Variants in PPRC1 observed in about 807,000 individuals in gnomAD.
PPRC1 encodes peroxisome proliferator-activated receptor gamma coactivator-related protein 1.
A neutral mutation model predicts 132.5 loss-of-function variants in PPRC1; 23 were observed. The observed-to-expected ratio is 0.17, with a 90% confidence interval of 0.12 to 0.25. The LOEUF is 0.25. Among genes scored for constraint, PPRC1 ranks in the 10% least tolerant of loss-of-function variants. The pLI, the probability that PPRC1 is intolerant of heterozygous loss-of-function variation, is 1.00. For synonymous variants in PPRC1, 872 were observed against 833.5 expected, an observed-to-expected ratio of 1.05 and a Z score of -0.80; for missense variants, 2,006 against 2,089.1, an observed-to-expected ratio of 0.96 and a Z score of 0.78.
chr10:102,120,277 C>T, the PPRC1 span: 25 of 983,328 alleles, frequency 2.5e-5, no homozygotes, highest in African/African-American at 4.2e-4. Flanking sequence ...GGCGAGGGGC[C>T]TGTCAGGCGC....
Position 102,149,335 on chromosome 10 carries a change from T to G in PPRC1, c.4891+6T>G. 6.4e-7 allele frequency: 1 copy of G among 1,572,710 alleles called. No individual in the cohort carries two copies. The highest frequency in any genetic ancestry group is 8.6e-7 in the Non-Finnish European group (1 of 1,157,122). Reference sequence around the variant, plus strand: ...GAGGAGCTATTCTGATCTTGGTGAGTGGAGGGAGGGCCTAAAGCTTTGGAA... The same window carrying G: ...GAGGAGCTATTCTGATCTTGGTGAGGGGAGGGAGGGCCTAAAGCTTTGGAA... On this transcript the variant is annotated splice_donor_region_variant and intron_variant, in intron 13 of 13. Transcript: ENST00000278070.
intron 4 of PPRC1, 53 bp from the exon 5 acceptor site, chr10:102,139,047 G>C: frequency 6.2e-7 from 1 of 1,604,490 alleles, no homozygotes. Context: ...GACAGGTCTG[G>C]AAAATACTTT....
upstream of PPRC1, among the ~76,000 whole-genome samples, chr10:102,130,120 A>C (rs1377564550): frequency 2.6e-5 from 4 of 152,166 alleles, no homozygotes; most frequent in Non-Finnish European, 5.9e-5. Flanking sequence ...GAAACAACTA[A>C]TTAAGAAACA....
In PPRC1 at chr10:102,146,965, C is replaced by T. The variant is rs1050321941; in HGVS notation, c.3973C>T (p.Arg1325Cys). 5 of 1,614,022 alleles carry T rather than the reference C, an allele frequency of 3.1e-6. No individual in the cohort carries two copies. The highest frequency in any genetic ancestry group is 4.5e-5 in the East Asian group (2 of 44,892). Residue 1325 changes from arginine (R) to cysteine (C), a missense_variant, in exon 9 of 14, where the codon CGC (arginine) becomes TGC (cysteine). Transcript: ENST00000278070. Reference protein sequence around the residue: ...PEVGSRWNVKRHQDITIKPVL... With the variant: ...PEVGSRWNVKCHQDITIKPVL... The stretch of plus-strand genomic sequence containing the variant: ...GGTGGGCTCCCGATGGAATGTCAAG[C>T]GCCATCAGGACATCACCATCAAACC...
Position 102,141,415 on chromosome 10 carries a change from A to C in PPRC1, c.2907A>C (p.Pro969=). ...TGCCTTGGGCACCCCCTCCTGCCCC[A>C]GTCTCACCTTACAGTTCCACATGTA... ...CSVPWAPPPA[P]VSPYSSTCTY... Residue 969 remains proline (P), a synonymous_variant, in exon 5 of 14, where the codon CCA becomes CCC. Transcript: ENST00000278070. 1 of 1,613,576 alleles carries C rather than the reference A, an allele frequency of 6.2e-7. No individual in the cohort carries two copies. Among genetic ancestry groups the C allele is most frequent in the Non-Finnish European group, 8.5e-7 (1 of 1,179,916 alleles).
Position 102,139,410 on chromosome 10 carries a change from G to A in PPRC1, c.902G>A (p.Ser301Asn), listed in dbSNP as rs1177674276. 1.2e-6 allele frequency: 2 copies of A among 1,614,122 alleles called. No individual in the cohort carries two copies. The highest frequency in any genetic ancestry group is 1.7e-6 in the Non-Finnish European group (2 of 1,180,058). The change falls in exon 5 of 14, where the codon AGC (serine) becomes AAC (asparagine). Residue 301 changes from serine (S) to asparagine (N), a missense_variant. Physicochemically the swap from Ser to Asn is conservative, Grantham distance 46. This residue lies in a region of PPRC1 where 1,914 missense variants were observed against 1,917.2 expected (regional missense o/e 1.00). Coordinates refer to ENST00000278070, the MANE Select transcript of PPRC1 (RefSeq NM_015062.5). ...EMAVPAAGDESISSLSELVRA... is the reference protein window; with the variant it reads ...EMAVPAAGDENISSLSELVRA... ...GCAGTGCCAGCAGCTGGTGATGAGAGCATCTCCTCCCTGAGTGAGCTGGTG... is the reference window on the plus strand; with the variant it reads ...GCAGTGCCAGCAGCTGGTGATGAGAACATCTCCTCCCTGAGTGAGCTGGTG...
At chr10:102,125,863 T>TC in the PPRC1 span, among the ~76,000 whole-genome samples, 1 of 149,364 alleles carries the variant, frequency 6.7e-6, no homozygotes, top group Non-Finnish European at 1.5e-5. Flanking sequence ...TTCTTTCTTT[T>TC]CTTTTTTTTT....
At chr10:102,126,181 A>G in the PPRC1 span, among the ~76,000 whole-genome samples, 1 of 152,068 alleles carries the variant, frequency 6.6e-6, no homozygotes, top group African/African-American at 2.4e-5. Context: ...TCTGTCTTTC[A>G]AGGATGAATC....
Position 102,148,273 on chromosome 10 carries a change from T to G in PPRC1, c.4401-99T>G. On this transcript the variant is annotated intron_variant, in intron 9 of 13. Coordinates refer to ENST00000278070, the MANE Select transcript of PPRC1 (RefSeq NM_015062.5). This position sits in a 1 kb window ranked among gnomAD's most constrained non-coding sequence, Gnocchi z 4.2. Reference sequence around the variant, plus strand: ...TTCTACTCTGCTTTGTCTTTGGTCCTGAGCTTCCTAAAAGAAAGGCAGGAC... The same window carrying G: ...TTCTACTCTGCTTTGTCTTTGGTCCGGAGCTTCCTAAAAGAAAGGCAGGAC... 21 of 1,402,966 alleles carry G rather than the reference T, an allele frequency of 1.5e-5. No homozygotes were observed. The highest frequency in any genetic ancestry group is 2.1e-5 in the Non-Finnish European group (21 of 1,023,658). The allele number at this position is 1,402,966 out of a possible 1,614,324, so 86.9% of individuals were successfully genotyped here.
upstream of PPRC1, among the ~76,000 whole-genome samples, chr10:102,128,502 T>A (rs2068495884): frequency 6.6e-6 from 1 of 151,906 alleles, no homozygotes; most frequent in South Asian, 2.1e-4. Context: ...GCTTATAACA[T>A]GGCACTTTGA....
chr10:102,138,743 T>C lies in PPRC1; in HGVS notation c.467T>C (p.Val156Ala), dbSNP rs1352371270. Residue 156 changes from valine to alanine, a missense_variant, in exon 3 of 14, where the codon GTG (valine) becomes GCG (alanine). Physicochemically the swap from Val to Ala is moderately conservative, Grantham distance 64. Around this residue, in one of 2 missense-constraint regions of PPRC1, gnomAD observed 1,914 missense variants for 1,917.2 expected, o/e 1.00. Transcript: ENST00000278070. ...FDSIPDSELL[V>A]SPREGSSLHK... ...AGCATTCCTGATTCGGAGCTGCTTGTGTCACCCCGGGAGGGCTCCTCTGTG... is the reference window on the plus strand; with the variant it reads ...AGCATTCCTGATTCGGAGCTGCTTGCGTCACCCCGGGAGGGCTCCTCTGTG... The C allele has an allele frequency of 6.2e-7, 1 of 1,614,186 alleles. No individual in the cohort carries two copies.
the PPRC1 span, among the ~76,000 whole-genome samples, chr10:102,123,928 C>T: frequency 6.7e-6 from 1 of 149,808 alleles, no homozygotes; most frequent in Non-Finnish European, 1.5e-5. Flanking sequence ...GCAACCTCTG[C>T]CTCCCGGTTT....
chr10:102,147,297 C>T lies in PPRC1; in HGVS notation c.4305C>T (p.Asn1435=). ...RNSRSVSSGS[N]RTSEASSSSS... is the part of the protein sequence containing the mutation. ...GCCGTTCTGTCAGCTCTGGGTCCAACCGGACTAGCGAAGCATCTTCCTCAT... is the reference window on the plus strand; with the variant it reads ...GCCGTTCTGTCAGCTCTGGGTCCAATCGGACTAGCGAAGCATCTTCCTCAT... The change falls in exon 9 of 14, where the codon AAC becomes AAT. Residue 1435 remains asparagine, a synonymous_variant. Transcript: ENST00000278070. 6.2e-7 allele frequency: 1 copy of T among 1,612,898 alleles called. No individual in the cohort carries two copies.
chr10:102,132,433 T>C (rs1590308262), upstream of PPRC1, among the ~76,000 whole-genome samples: 1 of 152,312 alleles, frequency 6.6e-6, no homozygotes, highest in South Asian at 2.1e-4. Flanking sequence ...GGTCGACATA[T>C]AGGCAGGAGA....
At chr10:102,120,386 T>TGCGCGTGTGCGTGTGC in the PPRC1 span, 9 of 983,678 alleles carry the variant, frequency 9.1e-6, no homozygotes, top group Non-Finnish European at 1.1e-5. Flanking sequence ...TGTGCGTGTG[T>TGCGCGTGTGCGTGTGC]GCGCGTGTGC....
chr10:102,138,023 T>C lies in PPRC1; in HGVS notation c.327T>C (p.Phe109=). 6.2e-7 allele frequency: 1 copy of C among 1,613,800 alleles called. No individual in the cohort carries two copies. The highest frequency in any genetic ancestry group is 8.5e-7 in the Non-Finnish European group (1 of 1,179,868). ...CCCTTATCTCCCTCATTGAGGATTTTGGGAGCCTTGGAGAGGTGAGCTGGG... is the reference window on the plus strand; with the variant it reads ...CCCTTATCTCCCTCATTGAGGATTTCGGGAGCCTTGGAGAGGTGAGCTGGG... ...DASLISLIED[F]GSLGESRLSL... The change falls in exon 2 of 14, where the codon TTT becomes TTC. Residue 109 remains phenylalanine, a synonymous_variant. Transcript: ENST00000278070.
At chr10:102,135,154 G>A (rs550654329) in intron 1 of PPRC1, among the ~76,000 whole-genome samples, 2 of 152,334 alleles carry the variant, frequency 1.3e-5, no homozygotes, top group East Asian at 1.9e-4. Flanking sequence ...GTAATTGGCA[G>A]TAGTGATCTA....
chr10:102,141,212 C>G lies in PPRC1; in HGVS notation c.2704C>G (p.Leu902Val), dbSNP rs1286477093. The change falls in exon 5 of 14, where the codon CTT becomes GTT. Residue 902 changes from leucine (L) to valine (V), a missense_variant. Coordinates refer to ENST00000278070, the MANE Select transcript of PPRC1 (RefSeq NM_015062.5). ...LPPPPLQPPSLPLSMGPVLPD... is the reference protein window; with the variant it reads ...LPPPPLQPPSVPLSMGPVLPD... ...CCCACCTCCCTTGCAGCCTCCTAGTCTTCCATTGTCTATGGGGCCAGTACT... is the reference window on the plus strand; with the variant it reads ...CCCACCTCCCTTGCAGCCTCCTAGTGTTCCATTGTCTATGGGGCCAGTACT... The G allele has an allele frequency of 9.9e-6, 16 of 1,613,868 alleles. No individual in the cohort carries two copies. Among genetic ancestry groups the G allele is most frequent in the Non-Finnish European group, 1.4e-5 (16 of 1,179,930 alleles).
the PPRC1 span, among the ~76,000 whole-genome samples, chr10:102,123,705 AT>A: frequency 6.8e-6 from 1 of 147,762 alleles, no homozygotes; most frequent in Non-Finnish European, 1.5e-5. Flanking sequence ...TAATTTTTGT[AT>A]TTTTTTTAGT....
Sources: gnomAD v4.1 joint callset for allele counts (sites outside exome capture counted in the v4.1 genomes callset) on GRCh38, gnomAD v4.1.1 for gene constraint, gnomAD v4.1.1 regional missense constraint, Gnocchi (gnomAD v3.1) non-coding constraint, MANE v1.5 for transcripts, NCBI Gene and HGNC (gene_info 2026-07-23, HGNC 2026-07-21) for gene names.